Variants in AATK observed in about 807,000 individuals in gnomAD.
AATK encodes the protein serine/threonine-protein kinase LMTK1.
A neutral mutation model predicts 114.3 loss-of-function variants in AATK; 91 were observed. The observed-to-expected ratio is 0.80, with a 90% confidence interval of 0.67 to 0.95. The LOEUF (loss-of-function observed/expected upper bound fraction) is 0.95. Ranked by LOEUF, AATK falls within the 40% of genes least tolerant of loss-of-function variation. AATK has a pLI of 0.00. For synonymous variants in AATK, 1,075 were observed against 916.5 expected, an observed-to-expected ratio of 1.17 and a Z score of -3.12; for missense variants, 2,176 against 1,965.2, an observed-to-expected ratio of 1.11 and a Z score of -2.03.
chr17:81,158,360 A>C (rs1180698019), intron 1 of AATK, among the ~76,000 whole-genome samples: 4 of 152,186 alleles, frequency 2.6e-5, no homozygotes, highest in Non-Finnish European at 4.4e-5. Context: ...GCAGCTTCCC[A>C]GGGAGAGAAG....
intron 1 of AATK, among the ~76,000 whole-genome samples, chr17:81,134,823 C>T (rs542412875): frequency 6.6e-6 from 1 of 152,214 alleles, no homozygotes; most frequent in Non-Finnish European, 1.5e-5. Context: ...ACAGGGGGAC[C>T]CCCATCTCCC....
At chr17:81,149,548 C>A (rs1272564713) in intron 1 of AATK, among the ~76,000 whole-genome samples, 1 of 152,264 alleles carries the variant, frequency 6.6e-6, no homozygotes, top group East Asian at 1.9e-4. Context: ...CTGCTCACGC[C>A]TCCCCGGGGA....
At chr17:81,136,533 C>A (rs539980925) in intron 1 of AATK, among the ~76,000 whole-genome samples, 28 of 152,296 alleles carry the variant, frequency 1.8e-4, no homozygotes, top group African/African-American at 5.8e-4. Flanking sequence ...TGGGCTCCCC[C>A]CAGCAGGACG....
rs149932641 is a variant in AATK, at chr17:81,151,339, C to G, written c.55+14599G>C. ...CCCCTCACCCCTCCTCCCCCACATC[C>G]CCCAGAAATGAAAGGACAGACCCTG... On this transcript the variant is annotated intron_variant, in intron 1 of 13. Transcript: ENST00000326724. Among the ~76,000 whole-genome samples, 36 of 151,078 alleles carry G rather than the reference C, an allele frequency of 2.4e-4. 2 individuals are homozygous for G. The East Asian group carries it at 6.9e-3, about 29-fold the overall frequency.
rs761471386 is a variant in AATK at position 81,118,433 on chromosome 17, G to C, written c.4094C>G (p.Ala1365Gly). The C allele has an allele frequency of 1.3e-5, 21 of 1,608,130 alleles. No individual in the cohort carries two copies. The highest frequency in any genetic ancestry group is 9.3e-6 in the Non-Finnish European group (11 of 1,178,086). Residue 1365 changes from alanine to glycine, a missense_variant, in exon 14 of 14, where the codon GCT (alanine) becomes GGT (glycine). This residue lies in a region of AATK where 1,701 missense variants were observed against 1,394.7 expected (regional missense o/e 1.22). Transcript: ENST00000326724. ...SDAESKRGPE[A>G]GAGGESKEA ...CTCTTTACTCTCACCCCCGGCACCA[G>C]CTTCAGGTCCTGGCAAGCAGGACAA... is the stretch of plus-strand genomic sequence containing the variant.
At chr17:81,163,178 G>A (rs537774804) in intron 1 of AATK, among the ~76,000 whole-genome samples, 5 of 152,150 alleles carry the variant, frequency 3.3e-5, no homozygotes, top group Non-Finnish European at 4.4e-5. Flanking sequence ...GGAGCGAGGC[G>A]GTGTCCCCAT....
intron 4 of AATK, 45 bp from the exon 5 acceptor site, chr17:81,127,955 G>T (rs774936578): frequency 1.3e-6 from 2 of 1,544,524 alleles, no homozygotes; most frequent in Admixed American, 2.0e-5. Context: ...GCCTCCACCG[G>T]CCCCGGCTTC....
chr17:81,143,970 C>G (rs8076486), intron 1 of AATK, among the ~76,000 whole-genome samples: 42,565 of 152,150 alleles, frequency 0.28, 6,303 homozygotes, highest in African/African-American at 0.34. Context: ...GCACGGTGCC[C>G]AGGGTTGCCC....
Position 81,121,469 on chromosome 17 carries a change from G to C in AATK, c.2467C>G (p.Leu823Val). 6.3e-7 allele frequency: 1 copy of C among 1,577,246 alleles called. No homozygotes were observed. Among genetic ancestry groups the C allele is most frequent in the Non-Finnish European group, 8.6e-7 (1 of 1,160,034 alleles). ...GTAGCAGGCGTGGGAGAGTCAGGCA[G>C]GGCATCAGGGGCGTCGGGGGCACTG... ...EASAPDAPDA[L>V]PDSPTPATGG... Residue 823 changes from leucine to valine, a missense_variant, in exon 11 of 14, where the codon CTG becomes GTG. By Grantham distance (32) the Leu-to-Val change is conservative (BLOSUM62 1). Around this residue, in one of 4 missense-constraint regions of AATK, gnomAD observed 1,701 missense variants for 1,394.7 expected, o/e 1.22. Transcript: ENST00000326724.
chr17:81,133,783 A>G (rs1365828893), intron 2 of AATK, among the ~76,000 whole-genome samples: 2 of 152,112 alleles, frequency 1.3e-5, no homozygotes, highest in African/African-American at 2.4e-5. Flanking sequence ...GGGGCAGCCT[A>G]GTGAGGCCAG....
Position 81,158,305 on chromosome 17 carries a change from G to A in AATK, c.55+7633C>T, listed in dbSNP as rs189567115. 1.1e-4 allele frequency among the ~76,000 whole-genome samples: 16 copies of A among 152,308 alleles called. No homozygotes were observed. In the East Asian group the frequency reaches 3.1e-3, roughly 29 times the overall value. Reference sequence around the variant, plus strand: ...CCCCGTCATTCATCCCTGGGGCCAGGAGCTGCTTTCAGGGACACCTGCCTC... The same window carrying A: ...CCCCGTCATTCATCCCTGGGGCCAGAAGCTGCTTTCAGGGACACCTGCCTC... On this transcript the variant is annotated intron_variant, in intron 1 of 13. Transcript: ENST00000326724.
chr17:81,128,287 C>G (rs1293901308), intron 4 of AATK, among the ~76,000 whole-genome samples, 183 bp downstream of exon 4: 1 of 152,102 alleles, frequency 6.6e-6, no homozygotes, highest in Non-Finnish European at 1.5e-5. Context: ...GACCCCAGGA[C>G]CCCCTAGGGA....
intron 1 of AATK, among the ~76,000 whole-genome samples, chr17:81,147,453 T>C (rs903120856): frequency 6.6e-6 from 1 of 151,382 alleles, no homozygotes; most frequent in Non-Finnish European, 1.5e-5. Context: ...AAATAAGCCA[T>C]AAAAAGTGAA....
chr17:81,160,927 G>A (rs78617952), intron 1 of AATK, among the ~76,000 whole-genome samples: 119 of 152,342 alleles, frequency 7.8e-4, no homozygotes, highest in African/African-American at 1.8e-3. Flanking sequence ...CCCGTGGACC[G>A]AGGAGGAGGC....
chr17:81,154,263 C>T (rs2061333595), intron 1 of AATK, among the ~76,000 whole-genome samples: 1 of 152,030 alleles, frequency 6.6e-6, no homozygotes, highest in Non-Finnish European at 1.5e-5. Flanking sequence ...GTCACCTGGC[C>T]CTGCCATATA....
chr17:81,165,699 C>T, intron 1 of AATK: 1 of 1,516,094 alleles, frequency 6.6e-7, no homozygotes, highest in Non-Finnish European at 8.8e-7. Context: ...CTGGAGGCAG[C>T]CACGGAGTCA....
At position 81,122,834 on chromosome 17, in the gene AATK, G is replaced by T. The variant is rs1568222915; in HGVS notation, c.1113-11C>A. The T allele has an allele frequency of 6.8e-7, 1 of 1,478,188 alleles. No homozygotes were observed. Among genetic ancestry groups the T allele is most frequent in the East Asian group, 2.7e-5 (1 of 37,150 alleles). The allele number at this position is 1,478,188 out of a possible 1,614,324, so 91.6% of individuals were successfully genotyped here. Reference sequence around the variant, plus strand: ...TGCATCACCTCGTACCTGCGAGGAGGTCCCCCGGGGGCCACGTCAGAGGCA... The same window carrying T: ...TGCATCACCTCGTACCTGCGAGGAGTTCCCCCGGGGGCCACGTCAGAGGCA... On this transcript the variant is annotated splice_polypyrimidine_tract_variant and intron_variant, in intron 10 of 13. Transcript: ENST00000326724.
intron 2 of AATK, among the ~76,000 whole-genome samples, chr17:81,133,692 C>T (rs1013498283): frequency 3.3e-5 from 5 of 152,130 alleles, no homozygotes; most frequent in Non-Finnish European, 5.9e-5. Context: ...CTCAGAGTTA[C>T]AGCTGGAGGT....
chr17:81,122,077 G>T lies in AATK; in HGVS notation c.1859C>A (p.Ala620Glu), dbSNP rs1209724577. Reference protein sequence around the residue: ...PSPSAGPLSLAEGGAEDADWG... With the variant: ...PSPSAGPLSLEEGGAEDADWG... Reference sequence around the variant, plus strand: ...GTCTGCATCCTCCGCTCCTCCCTCCGCCAGACTCAGGGGCCCCGCCGAGGG... The same window carrying T: ...GTCTGCATCCTCCGCTCCTCCCTCCTCCAGACTCAGGGGCCCCGCCGAGGG... Residue 620 changes from alanine to glutamate, a missense_variant, in exon 11 of 14, where the codon GCG becomes GAG. Physicochemically the swap from Ala to Glu is moderately radical, Grantham distance 107. Around this residue, in one of 4 missense-constraint regions of AATK, gnomAD observed 1,701 missense variants for 1,394.7 expected, o/e 1.22. Transcript: ENST00000326724. 1.9e-6 allele frequency: 3 copies of T among 1,584,848 alleles called. No homozygotes were observed. Among genetic ancestry groups the T allele is most frequent in the Non-Finnish European group, 1.7e-6 (2 of 1,173,094 alleles).
Sources: allele counts gnomAD v4.1 joint callset (sites outside exome capture counted in the v4.1 genomes callset), GRCh38; gene constraint gnomAD v4.1.1; regional missense constraint gnomAD v4.1.1; transcripts MANE v1.5; gene names NCBI Gene and HGNC (gene_info 2026-07-23, HGNC 2026-07-21).